The following RNF111 variants were observed in gnomAD, a reference collection of about 807,000 sequenced individuals.
The protein encoded by RNF111 is ring finger protein 111.
A neutral mutation model predicts 95.1 loss-of-function variants in RNF111; 17 were observed. The ratio of observed to expected loss-of-function variants is 0.18; its 90% CI spans 0.12 to 0.27. The LOEUF (loss-of-function observed/expected upper bound fraction) is 0.27. RNF111 is among the 10% of genes least tolerant of loss of function. RNF111 has a pLI of 1.00. For missense variants in RNF111, 1,189 were observed against 1,210.4 expected, an observed-to-expected ratio of 0.98 and a Z score of 0.26; for synonymous variants, 440 against 414.8, an observed-to-expected ratio of 1.06 and a Z score of -0.74.
chr15:59,009,914 C>T (rs1367379691), intron 1 of RNF111, among the ~76,000 whole-genome samples: 2 of 152,088 alleles, frequency 1.3e-5, no homozygotes, highest in Admixed American at 1.3e-4. Flanking sequence ...TGTGATCCTG[C>T]CATTGTGCTC....
In RNF111 at chr15:59,008,484, C is replaced by T. The variant is rs1321392070; in HGVS notation, c.-20+20416C>T. 3.9e-5 allele frequency among the ~76,000 whole-genome samples: 6 copies of T among 152,194 alleles called. No individual in the cohort carries two copies. In the East Asian group the frequency reaches 9.6e-4, roughly 24 times the overall value. On this transcript the variant is annotated intron_variant, in intron 1 of 13. Transcript: ENST00000348370. ...CCTCCTGCGTCAGCCTCCCAAAGTG[C>T]TGGTATTTACAGGCGTGAGCCACCG...
rs1566951195 is a variant in RNF111 at position 59,095,285 on chromosome 15, T to C, written c.*385T>C. On this transcript the variant is annotated 3_prime_UTR_variant, in exon 14 of 14. Transcript: ENST00000348370. ...ACCAAGCCTTGATAATTATGAATTTTTTATCCATTACTAACCTTTAATTTA... is the reference window on the plus strand; with the variant it reads ...ACCAAGCCTTGATAATTATGAATTTCTTATCCATTACTAACCTTTAATTTA... 5.2e-6 allele frequency: 1 copy of C among 192,570 alleles called. No individual in the cohort carries two copies. The highest frequency in any genetic ancestry group is 1.1e-5 in the Non-Finnish European group (1 of 94,508). 11.9% of individuals were successfully genotyped at this position (192,570 alleles called of 1,614,324 possible).
chr15:59,054,960 G>A (rs1387080750), intron 3 of RNF111, among the ~76,000 whole-genome samples: 2 of 152,170 alleles, frequency 1.3e-5, no homozygotes, highest in Non-Finnish European at 2.9e-5. Flanking sequence ...TATTATCCCT[G>A]TATGTCCTTA....
intron 2 of RNF111, among the ~76,000 whole-genome samples, chr15:59,046,214 G>C (rs2141906117): frequency 6.8e-6 from 1 of 146,562 alleles, no homozygotes; most frequent in African/African-American, 2.5e-5. Flanking sequence ...AATTTTTTGA[G>C]ACAGGATTTC....
intron 1 of RNF111, among the ~76,000 whole-genome samples, chr15:59,022,079 C>T (rs1003640243): frequency 6.6e-6 from 1 of 151,994 alleles, no homozygotes; most frequent in Non-Finnish European, 1.5e-5. Context: ...AGGCTGGACT[C>T]GAACTCCTGA....
chr15:59,025,562 G>A (rs567822434), intron 1 of RNF111, among the ~76,000 whole-genome samples: 1 of 152,060 alleles, frequency 6.6e-6, no homozygotes, highest in South Asian at 2.1e-4. Flanking sequence ...ATAAATAAGA[G>A]AATTAAAAAT....
chr15:58,993,248 C>T (rs1174290017), intron 1 of RNF111, among the ~76,000 whole-genome samples: 5 of 151,696 alleles, frequency 3.3e-5, no homozygotes, highest in Non-Finnish European at 7.4e-5. Context: ...GTGGCTCACA[C>T]CTGTAATCCC....
intron 1 of RNF111, among the ~76,000 whole-genome samples, chr15:59,016,871 G>T (rs2040091462): frequency 1.3e-5 from 2 of 152,062 alleles, no homozygotes; most frequent in African/African-American, 4.8e-5. Flanking sequence ...CTTCCTGTCA[G>T]ATCAGCAGCG....
At chr15:59,010,423 A>G (rs1286344316) in intron 1 of RNF111, among the ~76,000 whole-genome samples, 5 of 151,720 alleles carry the variant, frequency 3.3e-5, no homozygotes, top group East Asian at 1.9e-4. Flanking sequence ...TTTTTTTGAG[A>G]TGGAGTCTCA....
intron 1 of RNF111, among the ~76,000 whole-genome samples, chr15:59,003,385 G>A (rs940524197): frequency 1.3e-5 from 2 of 151,784 alleles, no homozygotes; most frequent in African/African-American, 2.4e-5. Flanking sequence ...GATTACAGGT[G>A]TGAGCCGCCA....
intron 3 of RNF111, among the ~76,000 whole-genome samples, chr15:59,054,189 G>A (rs898470194): frequency 6.6e-6 from 1 of 151,946 alleles, no homozygotes; most frequent in African/African-American, 2.4e-5. Flanking sequence ...CACCCGCCTC[G>A]GCCTCCCAAA....
At chr15:59,080,607 G>A (rs2078712926) in intron 7 of RNF111, among the ~76,000 whole-genome samples, 1 of 152,186 alleles carries the variant, frequency 6.6e-6, no homozygotes, top group Admixed American at 6.5e-5. Context: ...GAGTGCAGGA[G>A]TGAGCATATA....
At chr15:59,015,275 A>G (rs578041923) in intron 1 of RNF111, among the ~76,000 whole-genome samples, 3 of 152,228 alleles carry the variant, frequency 2.0e-5, no homozygotes, top group South Asian at 4.1e-4. Context: ...CTTTCTTTGC[A>G]TACTAGCATG....
At chr15:59,025,128 G>T (rs553737581) in intron 1 of RNF111, among the ~76,000 whole-genome samples, 1 of 152,114 alleles carries the variant, frequency 6.6e-6, no homozygotes, top group Non-Finnish European at 1.5e-5. Flanking sequence ...GTTACGATCC[G>T]CCCTCCTCCG....
At chr15:59,010,782 G>A in intron 1 of RNF111, among the ~76,000 whole-genome samples, 1 of 152,144 alleles carries the variant, frequency 6.6e-6, no homozygotes, top group East Asian at 1.9e-4. Flanking sequence ...TTGAGACTGG[G>A]TTGCCTGATG....
At chr15:59,091,396 T>C (rs1490785617) in intron 12 of RNF111, among the ~76,000 whole-genome samples, 1 of 152,212 alleles carries the variant, frequency 6.6e-6, no homozygotes, top group African/African-American at 2.4e-5. Flanking sequence ...CTAGATATTT[T>C]TTAGCATTTT....
intron 7 of RNF111, 66 bp from the exon 8 acceptor site, chr15:59,080,870 T>C: frequency 8.3e-7 from 1 of 1,210,632 alleles, no homozygotes; most frequent in East Asian, 2.3e-5. Flanking sequence ...ACTAGGAATG[T>C]ATAATAGCAA....
chr15:59,047,661 C>T (rs1186859420), intron 2 of RNF111, among the ~76,000 whole-genome samples: 7 of 152,082 alleles, frequency 4.6e-5, no homozygotes, highest in African/African-American at 1.4e-4. Flanking sequence ...CTGCAACGTG[C>T]GTCTCCCAGG....
At chr15:59,028,187 C>G (rs572868617) in intron 1 of RNF111, among the ~76,000 whole-genome samples, 16 of 152,294 alleles carry the variant, frequency 1.1e-4, no homozygotes, top group Admixed American at 6.5e-4. Flanking sequence ...TAACCACATT[C>G]TATCTATGTA....
Sources: allele counts gnomAD v4.1 joint callset (sites outside exome capture counted in the v4.1 genomes callset), GRCh38; gene constraint gnomAD v4.1.1; transcripts MANE v1.5; gene names NCBI Gene and HGNC (gene_info 2026-07-23, HGNC 2026-07-21).